The following CLVS2 variants were observed in gnomAD, a reference collection of about 807,000 sequenced individuals.
The protein encoded by CLVS2 is clavesin 2, also known as clavesin-2.
In CLVS2, 19 loss-of-function variants were observed where a neutral mutation model predicts 29.0. The observed-to-expected ratio is 0.66, with a 90% CI of 0.46 to 0.96. The LOEUF is 0.96. Ranked by LOEUF, CLVS2 falls within the 40% of genes least tolerant of loss-of-function variation. The probability of loss-of-function intolerance (pLI) is 0.00; values close to 1 mark genes in which losing one functional copy is unlikely to be tolerated. For synonymous variants in CLVS2, 161 were observed against 151.3 expected (o/e 1.06, Z -0.47); for missense variants, 294 against 404.1 (o/e 0.73, Z 2.34).
At chr6:123,019,741 A>G (rs769002724) in intron 3 of CLVS2, among the ~76,000 whole-genome samples, 7 of 152,080 alleles carry the variant, frequency 4.6e-5, no homozygotes, top group Non-Finnish European at 1.0e-4. Flanking sequence ...GCGATTTATT[A>G]TATAAGACGT....
At chr6:123,028,004 T>C (rs1024562645) in intron 3 of CLVS2, among the ~76,000 whole-genome samples, 2 of 152,154 alleles carry the variant, frequency 1.3e-5, no homozygotes, top group African/African-American at 4.8e-5. Flanking sequence ...TCTTCTAAAA[T>C]CTGATCAAAT....
At chr6:123,002,262 C>T (rs7762002) in intron 2 of CLVS2, among the ~76,000 whole-genome samples, 110,764 of 151,596 alleles carry the variant, frequency 0.73, 40,912 homozygotes, top group East Asian at 0.91. Context: ...CTTACAGTAG[C>T]GAAGCTCTGG....
At chr6:123,024,027 G>A (rs1774962473) in intron 3 of CLVS2, among the ~76,000 whole-genome samples, 1 of 152,110 alleles carries the variant, frequency 6.6e-6, no homozygotes, top group South Asian at 2.1e-4. Context: ...GTAACAAGAA[G>A]ATGAACCCTT....
chr6:123,063,330 GT>G (rs1409868278), intron 5 of CLVS2, among the ~76,000 whole-genome samples: 2 of 151,906 alleles, frequency 1.3e-5, no homozygotes, highest in African/African-American at 4.8e-5. Context: ...ATTTGGAGAT[GT>G]TTTATTGGAA....
At chr6:123,049,525 A>G (rs1463668625) in intron 4 of CLVS2, among the ~76,000 whole-genome samples, 1 of 152,180 alleles carries the variant, frequency 6.6e-6, no homozygotes, top group African/African-American at 2.4e-5. Context: ...CTGCTTACTC[A>G]CATACACAGA....
At chr6:123,056,402 G>A (rs1057214700) in intron 5 of CLVS2, among the ~76,000 whole-genome samples, 7 of 151,924 alleles carry the variant, frequency 4.6e-5, no homozygotes, top group Admixed American at 4.6e-4. Flanking sequence ...CCCAGTGCTT[G>A]GTAACCACCA....
At chr6:123,040,230 C>T (rs1159629735) in intron 3 of CLVS2, among the ~76,000 whole-genome samples, 9 of 152,178 alleles carry the variant, frequency 5.9e-5, no homozygotes, top group African/African-American at 2.2e-4. Context: ...GTCAGAGGCC[C>T]TGTGCATATA....
At position 123,049,000 on chromosome 6, in the gene CLVS2, C is replaced by CA. The variant is rs981514349; in HGVS notation, c.675+276dup. Among the ~76,000 whole-genome samples the CA allele has an allele frequency of 3.0e-4, 46 of 151,394 alleles. No homozygotes were observed. The South Asian group carries it at 4.6e-3, about 15-fold the overall frequency. On this transcript the variant is annotated intron_variant, in intron 4 of 5. Coordinates refer to ENST00000275162, the MANE Select transcript of CLVS2 (RefSeq NM_001010852.4). The stretch of plus-strand genomic sequence containing the variant: ...TTTGTTAAAGACTCAATTTAAAGGC[C>CA]AAAAAAAACTCTTATGCCATGTTAC...
Position 123,069,142 on chromosome 6 carries a change from AAACT to A in CLVS2, c.*5382_*5385del, listed in dbSNP as rs1772903665. 6.6e-6 allele frequency: 1 copy of A among 151,752 alleles called. No homozygotes were observed. Among genetic ancestry groups the A allele is most frequent in the Non-Finnish European group, 1.5e-5 (1 of 67,776 alleles). The allele number at this position is 151,752 out of a possible 1,614,324, so 9.4% of individuals were successfully genotyped here. A position where few individuals can be genotyped will look rare whatever the true frequency, so the allele number is the denominator to read the frequency against. ...ATTCAATATTCTATAACTTCTAGTC[AAACT>A]TTCAAATGAAAGTTTGAAAGAAGTA... is the stretch of plus-strand genomic sequence containing the variant. On this transcript the variant is annotated 3_prime_UTR_variant, in exon 6 of 6. Coordinates refer to ENST00000275162, the MANE Select transcript of CLVS2 (RefSeq NM_001010852.4).
chr6:123,042,013 G>A (rs1399861351), intron 3 of CLVS2, among the ~76,000 whole-genome samples: 4 of 152,046 alleles, frequency 2.6e-5, no homozygotes, highest in African/African-American at 9.7e-5. Flanking sequence ...GGAAATGATT[G>A]TATCATTTTA....
In CLVS2 at chr6:123,010,586, GACTC is replaced by G. The variant is rs149970886; in HGVS notation, c.390-393_390-390del. On this transcript the variant is annotated intron_variant, in intron 2 of 5. Transcript: ENST00000275162. ...GTACAGTGTTTTCATTTATTGATGA[GACTC>G]ACTCAAATCTCATTCTCAGTTTTTT... Among the ~76,000 whole-genome samples the G allele has an allele frequency of 4.0e-3, 614 of 152,018 alleles. 3 individuals carry two copies. Among genetic ancestry groups the G allele is most frequent in the African/African-American group, 0.014 (575 of 41,480 alleles).
At chr6:123,061,947 C>A (rs1264383975) in intron 5 of CLVS2, among the ~76,000 whole-genome samples, 2 of 152,030 alleles carry the variant, frequency 1.3e-5, no homozygotes, top group African/African-American at 2.4e-5. Flanking sequence ...ATCCTCATTA[C>A]TCTTCATTTT....
In CLVS2 at chr6:123,056,034, G is replaced by A. The variant is rs773981838; in HGVS notation, c.896+8G>A. ...CCCAAAGTCCATGAAGAGGTATGCT[G>A]GAGGTAGACTGGGGAGTGGGCTGGG... is the stretch of plus-strand genomic sequence containing the variant. On this transcript the variant is annotated splice_region_variant and intron_variant, in intron 5 of 5. Transcript: ENST00000275162. 5.2e-5 allele frequency: 83 copies of A among 1,599,520 alleles called. No homozygotes were observed. Among genetic ancestry groups the A allele is most frequent in the Non-Finnish European group, 6.8e-5 (80 of 1,168,620 alleles).
Position 123,066,925 on chromosome 6 carries a change from G to T in CLVS2, c.*3164G>T, listed in dbSNP as rs1368085562. The T allele has an allele frequency of 6.6e-6, 1 of 151,640 alleles. No homozygotes were observed. The highest frequency in any genetic ancestry group is 2.4e-5 in the African/African-American group (1 of 41,382). 9.4% of individuals were successfully genotyped at this position (151,640 alleles called of 1,614,324 possible). ...GTGTAAGTTAAATACAGTAACTTTA[G>T]TACATGTTAATGATAAACGTGGCAC... On this transcript the variant is annotated 3_prime_UTR_variant, in exon 6 of 6. Transcript: ENST00000275162.
chr6:123,012,640 C>T (rs1774766513), intron 3 of CLVS2, among the ~76,000 whole-genome samples: 1 of 151,990 alleles, frequency 6.6e-6, no homozygotes. Context: ...TTAGCTGTAA[C>T]TACTATCAGA....
Position 123,064,479 on chromosome 6 carries a change from A to G in CLVS2, c.*718A>G, listed in dbSNP as rs1269862595. ...GGATTCTTTTTAAATTGCTGTCTTC[A>G]CAATGTGCCCTTTATTCAAGACCCT... On this transcript the variant is annotated 3_prime_UTR_variant, in exon 6 of 6. Coordinates refer to ENST00000275162, the MANE Select transcript of CLVS2 (RefSeq NM_001010852.4). 1.3e-5 allele frequency: 2 copies of G among 151,932 alleles called. No individual in the cohort carries two copies. Among genetic ancestry groups the G allele is most frequent in the Non-Finnish European group, 1.5e-5 (1 of 67,866 alleles). The allele number at this position is 151,932 out of a possible 1,614,324, so 9.4% of individuals were successfully genotyped here.
At chr6:123,021,374 C>T (rs1464494822) in intron 3 of CLVS2, among the ~76,000 whole-genome samples, 1 of 151,898 alleles carries the variant, frequency 6.6e-6, no homozygotes, top group South Asian at 2.1e-4. Context: ...TTTAAGCACG[C>T]AACCGGGAGG....
At chr6:123,041,536 A>G (rs1030649671) in intron 3 of CLVS2, among the ~76,000 whole-genome samples, 3 of 152,230 alleles carry the variant, frequency 2.0e-5, no homozygotes, top group Non-Finnish European at 4.4e-5. Context: ...AGATCTCTAT[A>G]ATGGGAACTG....
At chr6:123,003,491 G>T (rs991220099) in intron 2 of CLVS2, among the ~76,000 whole-genome samples, 1 of 151,964 alleles carries the variant, frequency 6.6e-6, no homozygotes, top group Admixed American at 6.6e-5. Context: ...CACTATTATC[G>T]TAACATGAAG....
Sources: allele counts gnomAD v4.1 joint callset (sites outside exome capture counted in the v4.1 genomes callset), GRCh38; gene constraint gnomAD v4.1.1; transcripts MANE v1.5; gene names NCBI Gene and HGNC (gene_info 2026-07-23, HGNC 2026-07-21).